TTC28: variants seen among roughly 807,000 people sequenced by gnomAD.
The protein encoded by TTC28 is tetratricopeptide repeat domain 28, also known as tetratricopeptide repeat protein 28.
Under a neutral mutation model 198.0 loss-of-function variants are expected in TTC28, and 61 were observed. The ratio of observed to expected loss-of-function variants is 0.31; its 90% confidence interval spans 0.25 to 0.38. The LOEUF is 0.38. Among genes scored for constraint, TTC28 ranks in the 10% least tolerant of loss-of-function variants. The pLI, the probability that TTC28 is intolerant of heterozygous loss-of-function variation, is 1.00. For synonymous variants in TTC28, 1,171 were observed against 1,297.8 expected, an observed-to-expected ratio of 0.90 and a Z score of 2.10; for missense variants, 2,678 against 3,164.0, an observed-to-expected ratio of 0.85 and a Z score of 3.69.
intron 5 of TTC28, among the ~76,000 whole-genome samples, chr22:28,212,335 G>C (rs1194812617): frequency 6.6e-6 from 1 of 151,432 alleles, no homozygotes; most frequent in Non-Finnish European, 1.5e-5. Context: ...AAGGAATCCA[G>C]GAGCTGGTTT....
intron 2 of TTC28, among the ~76,000 whole-genome samples, chr22:28,601,777 G>GACACACACACACACACAC (rs34208241): frequency 3.0e-4 from 43 of 141,556 alleles, no homozygotes; most frequent in South Asian, 4.8e-4. Flanking sequence ...GTAAACCCTA[G>GACACACACACACACACAC]ACACACACAC....
intron 5 of TTC28, among the ~76,000 whole-genome samples, chr22:28,286,852 T>C (rs1327129658): frequency 6.6e-6 from 1 of 151,942 alleles, no homozygotes; most frequent in Non-Finnish European, 1.5e-5. Context: ...TATGCAATAG[T>C]TCTACACTGA....
chr22:28,430,939 T>C (rs904276084), intron 2 of TTC28, among the ~76,000 whole-genome samples: 22 of 151,098 alleles, frequency 1.5e-4, no homozygotes, highest in Admixed American at 6.6e-5. Flanking sequence ...TCTTGTTGCC[T>C]AGAATGTACT....
intron 12 of TTC28, among the ~76,000 whole-genome samples, chr22:28,041,096 T>C (rs775028923): frequency 3.3e-5 from 5 of 152,180 alleles, no homozygotes; most frequent in Non-Finnish European, 7.3e-5. Flanking sequence ...CACAAACAAA[T>C]GGAAGAACAT....
intron 2 of TTC28, among the ~76,000 whole-genome samples, chr22:28,572,114 A>G (rs1334096459): frequency 6.6e-6 from 1 of 151,702 alleles, no homozygotes; most frequent in Non-Finnish European, 1.5e-5. Context: ...AAGGCAGATC[A>G]CTTGAGGCCA....
intron 2 of TTC28, among the ~76,000 whole-genome samples, chr22:28,464,723 C>T (rs1201666543): frequency 6.6e-6 from 1 of 152,136 alleles, no homozygotes; most frequent in African/African-American, 2.4e-5. Flanking sequence ...ACTTTTTCTA[C>T]TATCTCTTAA....
chr22:28,506,613 G>C (rs2048616997), intron 2 of TTC28, among the ~76,000 whole-genome samples: 1 of 152,188 alleles, frequency 6.6e-6, no homozygotes, highest in South Asian at 2.1e-4. Flanking sequence ...GACTAGGTGA[G>C]ACCTCCCAAC....
intron 5 of TTC28, among the ~76,000 whole-genome samples, chr22:28,207,585 T>C (rs1456772751): frequency 6.6e-6 from 1 of 152,098 alleles, no homozygotes; most frequent in Non-Finnish European, 1.5e-5. Context: ...CATAATGGAG[T>C]ACCCAGAACA....
At chr22:28,446,244 T>A (rs1010388772) in intron 2 of TTC28, among the ~76,000 whole-genome samples, 1 of 151,838 alleles carries the variant, frequency 6.6e-6, no homozygotes, top group Admixed American at 6.6e-5. Context: ...ATACTCAATA[T>A]TTTTTAAGGC....
chr22:28,386,274 CAAAAAAAAAAAAAAAAAAAA>C (rs71194764), intron 2 of TTC28, among the ~76,000 whole-genome samples: 2 of 52,234 alleles, frequency 3.8e-5, no homozygotes, highest in East Asian at 2.4e-3. Context: ...GACTCCGTCT[CAAAAAAAAAAAAAAAAAAAA>C]AAAAAAAAAA....
rs1415315874 is a variant in TTC28, at chr22:27,982,186, CAG to C, written c.*33_*34del. ...GAAGCAAACGCCAGGCCCCCATCTG[CAG>C]GCTGCTCAGAGTCAGTGGGTATAAA... is the stretch of plus-strand genomic sequence containing the variant. On this transcript the variant is annotated 3_prime_UTR_variant, in exon 23 of 23. Coordinates refer to ENST00000397906, the MANE Select transcript of TTC28 (RefSeq NM_001145418.2). This position sits in a 1 kb window ranked among gnomAD's most constrained non-coding sequence, Gnocchi z 5.2. 2.7e-6 allele frequency: 4 copies of C among 1,454,888 alleles called. No individual in the cohort carries two copies. The African/African-American group carries it at 5.7e-5, about 21-fold the overall frequency. 90.1% of individuals were successfully genotyped at this position (1,454,888 alleles called of 1,614,324 possible). A position where few individuals can be genotyped will look rare whatever the true frequency, so the allele number is the denominator to read the frequency against.
At chr22:28,162,050 G>A (rs1013689923) in intron 6 of TTC28, among the ~76,000 whole-genome samples, 10 of 152,118 alleles carry the variant, frequency 6.6e-5, no homozygotes, top group Non-Finnish European at 1.0e-4. Flanking sequence ...AAACCATGTG[G>A]TGCCAGGCAC....
intron 2 of TTC28, among the ~76,000 whole-genome samples, chr22:28,561,836 G>C (rs1031043103): frequency 3.3e-5 from 5 of 151,782 alleles, no homozygotes; most frequent in Admixed American, 2.6e-4. Flanking sequence ...ATTCAACTAG[G>C]TTTACTATGA....
chr22:28,476,865 G>A (rs1285090715), intron 2 of TTC28, among the ~76,000 whole-genome samples: 1 of 152,012 alleles, frequency 6.6e-6, no homozygotes. Context: ...AAAAAAAATG[G>A]AAACAATTCA....
rs1365795502 is a variant in TTC28 at position 27,978,254 on chromosome 22, G to C, written c.*3967C>G. ...GGGAAGGTGTCTGAGGAGGGGCAGG[G>C]CCACAGGTGTCCTGACAGGGAACAT... On this transcript the variant is annotated 3_prime_UTR_variant, in exon 23 of 23. Coordinates refer to ENST00000397906, the MANE Select transcript of TTC28 (RefSeq NM_001145418.2). The C allele has an allele frequency of 6.6e-6, 1 of 152,244 alleles. No individual in the cohort carries two copies. Among genetic ancestry groups the C allele is most frequent in the South Asian group, 2.1e-4 (1 of 4,834 alleles). 9.4% of individuals were successfully genotyped at this position (152,244 alleles called of 1,614,324 possible).
intron 5 of TTC28, among the ~76,000 whole-genome samples, chr22:28,291,638 A>C (rs1032311832): frequency 1.3e-5 from 2 of 152,224 alleles, no homozygotes; most frequent in African/African-American, 4.8e-5. Flanking sequence ...TCCTGGGAGC[A>C]ATCAGTAATA....
intron 2 of TTC28, among the ~76,000 whole-genome samples, chr22:28,410,797 T>C (rs2047068941): frequency 6.6e-6 from 1 of 152,026 alleles, no homozygotes; most frequent in South Asian, 2.1e-4. Flanking sequence ...TGCCTAGAAA[T>C]AGAAAAAAAT....
At chr22:28,375,086 C>T (rs1381288387) in intron 2 of TTC28, among the ~76,000 whole-genome samples, 2 of 151,632 alleles carry the variant, frequency 1.3e-5, no homozygotes, top group Non-Finnish European at 2.9e-5. Context: ...AGACTCAAGA[C>T]TCTAATTCCT....
intron 2 of TTC28, among the ~76,000 whole-genome samples, chr22:28,627,877 T>C (rs2051102673): frequency 6.6e-6 from 1 of 152,106 alleles, no homozygotes; most frequent in African/African-American, 2.4e-5. Flanking sequence ...CAAGAAGACC[T>C]ATCAGAGTCA....
Sources: gnomAD v4.1 joint callset for allele counts (sites outside exome capture counted in the v4.1 genomes callset) on GRCh38, gnomAD v4.1.1 for gene constraint, Gnocchi (gnomAD v3.1) non-coding constraint, MANE v1.5 for transcripts, NCBI Gene and HGNC (gene_info 2026-07-23, HGNC 2026-07-21) for gene names.